The following PLCL1 variants were observed in gnomAD, a reference collection of about 807,000 sequenced individuals.
PLCL1 encodes the protein phospholipase C like 1 (inactive).
A neutral mutation model predicts 84.4 loss-of-function variants in PLCL1; 41 were observed. The ratio of observed to expected loss-of-function variants is 0.49; its 90% confidence interval spans 0.38 to 0.63. The LOEUF (loss-of-function observed/expected upper bound fraction) is 0.63, where lower values mean the gene tolerates loss of function less well. PLCL1 is among the 30% of genes least tolerant of loss of function. The pLI, the probability that PLCL1 is intolerant of heterozygous loss-of-function variation, is 0.00. For synonymous variants in PLCL1, 490 were observed against 488.3 expected (o/e 1.00, Z -0.05); for missense variants, 1,206 against 1,367.8 (o/e 0.88, Z 1.87).
intron 1 of PLCL1, among the ~76,000 whole-genome samples, chr2:198,038,829 C>T (rs1159409567): frequency 1.4e-5 from 2 of 140,276 alleles, no homozygotes; most frequent in Non-Finnish European, 3.1e-5. Flanking sequence ...CTGTCTTGAT[C>T]CTTTCATTAA....
intron 1 of PLCL1, among the ~76,000 whole-genome samples, chr2:197,809,924 C>T (rs939460293): frequency 5.3e-5 from 8 of 151,664 alleles, no homozygotes; most frequent in Non-Finnish European, 1.0e-4. Flanking sequence ...ATTATATAGG[C>T]GTTTGTAGAT....
chr2:197,844,957 A>G (rs942541592), intron 1 of PLCL1, among the ~76,000 whole-genome samples: 1 of 152,098 alleles, frequency 6.6e-6, no homozygotes, highest in African/African-American at 2.4e-5. Context: ...GTGCAAGGAT[A>G]TTGGAGGACA....
At chr2:197,978,039 G>A (rs752696891) in intron 1 of PLCL1, among the ~76,000 whole-genome samples, 2 of 152,270 alleles carry the variant, frequency 1.3e-5, no homozygotes, top group South Asian at 4.1e-4. Flanking sequence ...AGTCTTTTCC[G>A]AATTTTGTAG....
chr2:197,864,463 A>T (rs1463329829), intron 1 of PLCL1, among the ~76,000 whole-genome samples: 1 of 151,034 alleles, frequency 6.6e-6, no homozygotes, highest in Non-Finnish European at 1.5e-5. Flanking sequence ...AATAATGTGA[A>T]TGCATATTTC....
Position 197,845,649 on chromosome 2 carries a change from C to T in PLCL1, c.240+40310C>T, listed in dbSNP as rs538673107. On this transcript the variant is annotated intron_variant, in intron 1 of 5. Transcript: ENST00000428675. Reference sequence around the variant, plus strand: ...TTTAGATAAACATATATCTTTACCACTCCATCCTAAAACTCTGATTACCTT... The same window carrying T: ...TTTAGATAAACATATATCTTTACCATTCCATCCTAAAACTCTGATTACCTT... 1.6e-3 allele frequency among the ~76,000 whole-genome samples: 249 copies of T among 152,128 alleles called. 1 individual carries two copies. The highest frequency in any genetic ancestry group is 3.1e-3 in the Non-Finnish European group (210 of 68,006).
At chr2:197,936,908 G>C (rs953012022) in intron 1 of PLCL1, among the ~76,000 whole-genome samples, 3 of 152,080 alleles carry the variant, frequency 2.0e-5, no homozygotes, top group Non-Finnish European at 2.9e-5. Flanking sequence ...TAGTTTTATA[G>C]TTTCAGGTCC....
At chr2:197,900,067 C>T (rs887703232) in intron 1 of PLCL1, among the ~76,000 whole-genome samples, 1 of 152,224 alleles carries the variant, frequency 6.6e-6, no homozygotes, top group African/African-American at 2.4e-5. Context: ...ACCTGCCTCA[C>T]TTTTCTTTAT....
chr2:198,107,933 C>A (rs900940055), intron 5 of PLCL1, among the ~76,000 whole-genome samples: 4 of 151,832 alleles, frequency 2.6e-5, no homozygotes, highest in Non-Finnish European at 5.9e-5. Context: ...AATCTGGTGT[C>A]CTTTCCCCAA....
intron 1 of PLCL1, among the ~76,000 whole-genome samples, chr2:198,038,873 T>C (rs1691601263): frequency 6.6e-6 from 1 of 151,280 alleles, no homozygotes; most frequent in Non-Finnish European, 1.5e-5. Flanking sequence ...AAAAAAGAGT[T>C]CACTCAATTT....
At chr2:198,089,285 A>G (rs955598299) in intron 3 of PLCL1, among the ~76,000 whole-genome samples, 1 of 152,010 alleles carries the variant, frequency 6.6e-6, no homozygotes, top group African/African-American at 2.4e-5. Flanking sequence ...TAAGTGGAAA[A>G]CTCTGCTTTA....
chr2:198,068,164 C>A (rs1007791824), intron 1 of PLCL1, among the ~76,000 whole-genome samples: 6 of 151,988 alleles, frequency 3.9e-5, no homozygotes, highest in African/African-American at 1.5e-4. Flanking sequence ...TATACTTTTT[C>A]ATTGTAAAGT....
intron 2 of PLCL1, 77 bp from the exon 3 acceptor site, chr2:198,088,781 T>C (rs150996668): frequency 8.2e-6 from 7 of 856,280 alleles, no homozygotes; most frequent in Middle Eastern, 2.8e-4. Context: ...ATGAATGTAC[T>C]TTTCTGTAAA....
chr2:197,828,266 A>G (rs1408372255), intron 1 of PLCL1, among the ~76,000 whole-genome samples: 1 of 152,132 alleles, frequency 6.6e-6, no homozygotes, highest in African/African-American at 2.4e-5. Context: ...ACTGTTGTCA[A>G]ATTGCTTTGA....
At chr2:197,963,616 T>C (rs1455633377) in intron 1 of PLCL1, among the ~76,000 whole-genome samples, 1 of 152,150 alleles carries the variant, frequency 6.6e-6, no homozygotes, top group Non-Finnish European at 1.5e-5. Flanking sequence ...CGTTTTTGCT[T>C]TGGTTGCCTT....
At chr2:197,836,286 A>C (rs983216485) in intron 1 of PLCL1, among the ~76,000 whole-genome samples, 3 of 151,874 alleles carry the variant, frequency 2.0e-5, no homozygotes, top group Non-Finnish European at 4.4e-5. Context: ...TCTACTAAAA[A>C]AATACAAAAA....
At chr2:197,960,274 G>C (rs1250563529) in intron 1 of PLCL1, among the ~76,000 whole-genome samples, 2 of 152,094 alleles carry the variant, frequency 1.3e-5, no homozygotes, top group African/African-American at 4.8e-5. Flanking sequence ...TGTAAGAATA[G>C]AAGCTGCTAA....
chr2:197,985,965 T>C (rs1352345915), intron 1 of PLCL1, among the ~76,000 whole-genome samples: 1 of 152,164 alleles, frequency 6.6e-6, no homozygotes, highest in Non-Finnish European at 1.5e-5. Context: ...TCCTCTGGAA[T>C]AGATGGGAAT....
At chr2:197,988,541 A>G (rs1229357309) in intron 1 of PLCL1, among the ~76,000 whole-genome samples, 2 of 152,092 alleles carry the variant, frequency 1.3e-5, no homozygotes, top group East Asian at 3.9e-4. Flanking sequence ...GTTGCTGCAA[A>G]AGATGTTATT....
intron 3 of PLCL1, among the ~76,000 whole-genome samples, chr2:198,098,282 G>C (rs1249568053): frequency 6.6e-6 from 1 of 152,170 alleles, no homozygotes; most frequent in Non-Finnish European, 1.5e-5. Flanking sequence ...TGAAAAAACA[G>C]AGGACTCAAG....
Sources: allele counts gnomAD v4.1 joint callset (sites outside exome capture counted in the v4.1 genomes callset), GRCh38; gene constraint gnomAD v4.1.1; transcripts MANE v1.5; gene names NCBI Gene and HGNC (gene_info 2026-07-23, HGNC 2026-07-21).